NCKAP5: variants seen among roughly 807,000 people sequenced by gnomAD.
NCKAP5 encodes the protein nck-associated protein 5.
Under a neutral mutation model 167.0 loss-of-function variants are expected in NCKAP5, and 92 were observed. That is an observed-to-expected ratio of 0.55 (90% CI 0.47 to 0.66). The LOEUF (loss-of-function observed/expected upper bound fraction) is 0.66. Among genes scored for constraint, NCKAP5 ranks in the 30% least tolerant of loss-of-function variants. NCKAP5 has a pLI of 0.00. For missense variants in NCKAP5, 2,378 were observed against 2,315.0 expected (o/e 1.03, Z -0.56); for synonymous variants, 891 against 877.4 (o/e 1.02, Z -0.27).
chr2:132,915,253 T>C (rs1694776347), intron 8 of NCKAP5, among the ~76,000 whole-genome samples: 1 of 151,984 alleles, frequency 6.6e-6, no homozygotes, highest in South Asian at 2.1e-4. Flanking sequence ...AGTGGCATAC[T>C]GTGCAGAGCT....
chr2:133,577,244 G>A, the NCKAP5 span, among the ~76,000 whole-genome samples: 652 of 152,268 alleles, frequency 4.3e-3, 8 homozygotes, highest in African/African-American at 0.015. Flanking sequence ...GAGAGAGAAG[G>A]AAGAAAAGAA....
chr2:132,900,751 A>T (rs1989735), intron 8 of NCKAP5, among the ~76,000 whole-genome samples: 33,166 of 151,818 alleles, frequency 0.22, 3,963 homozygotes, highest in Admixed American at 0.38. Context: ...ACACAAGAAC[A>T]CCAGATTGAG....
chr2:133,011,161 T>C (rs1043808941), intron 6 of NCKAP5, among the ~76,000 whole-genome samples: 1 of 152,202 alleles, frequency 6.6e-6, no homozygotes, highest in African/African-American at 2.4e-5. Flanking sequence ...TTTTCTATCT[T>C]AAAGCTGTGC....
intron 3 of NCKAP5, among the ~76,000 whole-genome samples, chr2:133,388,356 A>G (rs1447681292): frequency 6.6e-6 from 1 of 152,172 alleles, no homozygotes; most frequent in Non-Finnish European, 1.5e-5. Context: ...AGAACAGCAA[A>G]TATTGCTGAA....
the NCKAP5 span, among the ~76,000 whole-genome samples, chr2:133,597,189 G>T: frequency 6.6e-6 from 1 of 152,210 alleles, no homozygotes; most frequent in Non-Finnish European, 1.5e-5. Context: ...GGGAACTGGG[G>T]TGAAACAATG....
At chr2:133,269,518 A>C (rs2089413924) in intron 4 of NCKAP5, among the ~76,000 whole-genome samples, 2 of 152,204 alleles carry the variant, frequency 1.3e-5, no homozygotes, top group Admixed American at 6.5e-5. Context: ...AGCAGGTGTA[A>C]GTGGCCCTTA....
intron 16 of NCKAP5, among the ~76,000 whole-genome samples, chr2:132,736,065 A>G (rs1558989443): frequency 6.6e-6 from 1 of 152,144 alleles, no homozygotes; most frequent in Non-Finnish European, 1.5e-5. Context: ...CTCATAAACC[A>G]TTCACTATTA....
chr2:133,291,943 C>A (rs984606824), intron 4 of NCKAP5, among the ~76,000 whole-genome samples: 40 of 152,182 alleles, frequency 2.6e-4, no homozygotes, highest in Middle Eastern at 3.4e-3. Flanking sequence ...ATAGTTAAAA[C>A]CTTGAAGGAA....
chr2:132,997,916 A>AT (rs1176904964), intron 6 of NCKAP5, among the ~76,000 whole-genome samples: 1 of 152,092 alleles, frequency 6.6e-6, no homozygotes, highest in Non-Finnish European at 1.5e-5. Context: ...GTGGTATCAG[A>AT]TTTTCCATCA....
At position 132,782,030 on chromosome 2, in the gene NCKAP5, A is replaced by G; in HGVS notation, c.4781T>C (p.Ile1594Thr). 6.2e-7 allele frequency: 1 copy of G among 1,613,948 alleles called. No individual in the cohort carries two copies. The highest frequency in any genetic ancestry group is 8.5e-7 in the Non-Finnish European group (1 of 1,179,886). ...SKNNRRTPQD[I>T]YNQLKIEPRN... The stretch of plus-strand genomic sequence containing the variant: ...TGGTTCAATCTTCAGTTGGTTGTAA[A>G]TGTCTTGTGGTGTTCTCCGATTATT... The change falls in exon 14 of 20, where the codon ATT (isoleucine) becomes ACT (threonine). Residue 1594 changes from isoleucine to threonine, a missense_variant. Around this residue, in one of 3 missense-constraint regions of NCKAP5, gnomAD observed 1,325 missense variants for 1,274.5 expected, o/e 1.04. Coordinates refer to ENST00000409261, the MANE Select transcript of NCKAP5 (RefSeq NM_207363.3).
At chr2:133,480,513 C>T (rs1680330464) in intron 3 of NCKAP5, among the ~76,000 whole-genome samples, 1 of 152,052 alleles carries the variant, frequency 6.6e-6, no homozygotes, top group Admixed American at 6.5e-5. Context: ...TGCATAGAGC[C>T]TCCTGTACGA....
intron 6 of NCKAP5, among the ~76,000 whole-genome samples, chr2:133,093,962 G>A (rs2081269176): frequency 6.6e-6 from 1 of 152,166 alleles, no homozygotes; most frequent in African/African-American, 2.4e-5. Flanking sequence ...CACTGCAGAT[G>A]TTTGCCCTTT....
the NCKAP5 span, among the ~76,000 whole-genome samples, chr2:133,628,255 A>G: frequency 1.4e-4 from 21 of 152,116 alleles, no homozygotes; most frequent in Non-Finnish European, 2.5e-4. Flanking sequence ...TATAGTCTCA[A>G]CCCAAAAGCT....
At chr2:132,850,236 C>T (rs1173622700) in intron 11 of NCKAP5, among the ~76,000 whole-genome samples, 1 of 152,154 alleles carries the variant, frequency 6.6e-6, no homozygotes, top group Non-Finnish European at 1.5e-5. Flanking sequence ...TTGGACACCA[C>T]CCAAATGTAT....
chr2:132,946,855 G>A (rs941015143), intron 8 of NCKAP5, among the ~76,000 whole-genome samples: 5 of 152,136 alleles, frequency 3.3e-5, no homozygotes, highest in South Asian at 2.1e-4. Context: ...CCGAGATGGC[G>A]CCACCGCACT....
intron 3 of NCKAP5, among the ~76,000 whole-genome samples, chr2:133,391,721 A>G (rs1365722973): frequency 6.6e-6 from 1 of 152,096 alleles, no homozygotes; most frequent in Non-Finnish European, 1.5e-5. Flanking sequence ...TGGCTGATGG[A>G]TCTCCTGCCT....
At chr2:133,379,280 G>A (rs1000537353) in intron 3 of NCKAP5, among the ~76,000 whole-genome samples, 43 of 151,976 alleles carry the variant, frequency 2.8e-4, no homozygotes, top group African/African-American at 7.2e-4. Flanking sequence ...TGCATACCTC[G>A]TGATTCAAAA....
At chr2:133,156,324 G>A (rs2083576889) in intron 5 of NCKAP5, among the ~76,000 whole-genome samples, 1 of 152,142 alleles carries the variant, frequency 6.6e-6, no homozygotes, top group Non-Finnish European at 1.5e-5. Context: ...TTCACCTCTT[G>A]TAATTGCTGG....
At chr2:133,209,620 T>G (rs963399902) in intron 5 of NCKAP5, among the ~76,000 whole-genome samples, 7 of 151,838 alleles carry the variant, frequency 4.6e-5, no homozygotes, top group African/African-American at 1.7e-4. Flanking sequence ...AGTCATCTTC[T>G]TTTTAGAAGA....
Sources: gnomAD v4.1 joint callset for allele counts (sites outside exome capture counted in the v4.1 genomes callset) on GRCh38, gnomAD v4.1.1 for gene constraint, gnomAD v4.1.1 regional missense constraint, MANE v1.5 for transcripts, NCBI Gene and HGNC (gene_info 2026-07-23, HGNC 2026-07-21) for gene names.